The following ABLIM2 variants were observed in gnomAD, a reference collection of about 807,000 sequenced individuals.
ABLIM2 encodes the protein actin-binding LIM protein 2.
Under a neutral mutation model 97.7 loss-of-function variants are expected in ABLIM2, and 53 were observed. The ratio of observed to expected loss-of-function variants is 0.54; its 90% CI spans 0.44 to 0.68. The LOEUF is 0.68. Ranked by LOEUF, ABLIM2 falls within the 30% of genes least tolerant of loss-of-function variation. The pLI is 0.00. For synonymous variants in ABLIM2, 361 were observed against 345.8 expected, an observed-to-expected ratio of 1.04 and a Z score of -0.49; for missense variants, 835 against 867.2, an observed-to-expected ratio of 0.96 and a Z score of 0.47.
intron 20 of ABLIM2, among the ~76,000 whole-genome samples, chr4:7,968,825 G>A (rs986866567): frequency 3.3e-5 from 5 of 152,178 alleles, no homozygotes; most frequent in Non-Finnish European, 7.3e-5. Flanking sequence ...ACACTGAACT[G>A]TACTGAATGG....
chr4:8,011,975 T>C (rs1484610675), intron 14 of ABLIM2, among the ~76,000 whole-genome samples: 1 of 152,210 alleles, frequency 6.6e-6, no homozygotes, highest in African/African-American at 2.4e-5. Flanking sequence ...TTTATTCCTT[T>C]CCATATACTT....
rs1789955119 is a variant in ABLIM2 at position 8,043,283 on chromosome 4, G to C, written c.900+1881C>G. ...TCTTGTGAACTTGTCTCTCGTTATA[G>C]GAGTGTCAGCTGTGACCCTTTCAAT... On this transcript the variant is annotated intron_variant, in intron 9 of 20. Transcript: ENST00000447017. The surrounding 1 kb of genome is among the most constrained non-coding windows in gnomAD (Gnocchi z 4.8). 6.6e-6 allele frequency among the ~76,000 whole-genome samples: 1 copy of C among 152,192 alleles called. No individual in the cohort carries two copies. The highest frequency in any genetic ancestry group is 6.5e-5 in the Admixed American group (1 of 15,282).
chr4:7,966,776 A>G lies in ABLIM2; in HGVS notation c.*214T>C, dbSNP rs531945957. On this transcript the variant is annotated 3_prime_UTR_variant, in exon 21 of 21. Coordinates refer to ENST00000447017, the MANE Select transcript of ABLIM2 (RefSeq NM_001130083.2). ...TCCCTGACACCAAGCCACAGCGGGGAAGGGTGGCGTGAAGCTAGCCGTCTC... is the reference window on the plus strand; with the variant it reads ...TCCCTGACACCAAGCCACAGCGGGGGAGGGTGGCGTGAAGCTAGCCGTCTC... 331 of 557,746 alleles carry G rather than the reference A, an allele frequency of 5.9e-4. 5 individuals are homozygous for G. The East Asian group carries it at 9.4e-3, about 16-fold the overall frequency. The allele number at this position is 557,746 out of a possible 1,614,324, so 34.5% of individuals were successfully genotyped here.
At chr4:7,975,280 A>G (rs1287986902) in intron 20 of ABLIM2, among the ~76,000 whole-genome samples, 1 of 152,196 alleles carries the variant, frequency 6.6e-6, no homozygotes, top group African/African-American at 2.4e-5. Flanking sequence ...AGTGGCTCTC[A>G]GCAACACCTT....
At chr4:8,114,589 T>C (rs1227531053) in intron 1 of ABLIM2, among the ~76,000 whole-genome samples, 1 of 152,204 alleles carries the variant, frequency 6.6e-6, no homozygotes. Context: ...ACTTAAGGGC[T>C]GGCTGCTGAT....
chr4:8,075,726 C>T lies in ABLIM2; in HGVS notation c.675+1902G>A, dbSNP rs892418952. Among the ~76,000 whole-genome samples the T allele has an allele frequency of 6.6e-6, 1 of 152,104 alleles. No individual in the cohort carries two copies. The highest frequency in any genetic ancestry group is 1.5e-5 in the Non-Finnish European group (1 of 68,028). ...AAAAAAGAAAACCATTGACTTGTGCCCTTTAAATGGGCAAATTGTGAACTC... is the reference window on the plus strand; with the variant it reads ...AAAAAAGAAAACCATTGACTTGTGCTCTTTAAATGGGCAAATTGTGAACTC... On this transcript the variant is annotated intron_variant, in intron 6 of 20. Transcript: ENST00000447017. This position sits in a 1 kb window ranked among gnomAD's most constrained non-coding sequence, Gnocchi z 4.4.
chr4:8,080,837 C>T (rs1332834733), intron 4 of ABLIM2, 35 bp from the exon 5 acceptor site: 1 of 1,577,400 alleles, frequency 6.3e-7, no homozygotes, highest in Admixed American at 1.7e-5. Flanking sequence ...GACACCCCCA[C>T]CATTGTGAGA....
intron 16 of ABLIM2, among the ~76,000 whole-genome samples, chr4:7,993,718 G>C (rs569833566): frequency 1.1e-4 from 16 of 152,246 alleles, no homozygotes; most frequent in African/African-American, 3.9e-4. Context: ...CTTGCAATTG[G>C]GGGGCTTCAT....
chr4:8,027,712 C>T (rs375393124), intron 12 of ABLIM2, 47 bp downstream of exon 12: 77 of 1,421,142 alleles, frequency 5.4e-5, no homozygotes, highest in African/African-American at 3.2e-4. Flanking sequence ...AGACGCCGGG[C>T]GTGGACACCC....
In ABLIM2 at chr4:8,043,368, T is replaced by C. The variant is rs1038257112; in HGVS notation, c.900+1796A>G. Among the ~76,000 whole-genome samples, 1 of 152,180 alleles carries C rather than the reference T, an allele frequency of 6.6e-6. No homozygotes were observed. The highest frequency in any genetic ancestry group is 1.5e-5 in the Non-Finnish European group (1 of 68,040). On this transcript the variant is annotated intron_variant, in intron 9 of 20. Coordinates refer to ENST00000447017, the MANE Select transcript of ABLIM2 (RefSeq NM_001130083.2). The surrounding 1 kb of genome is among the most constrained non-coding windows in gnomAD (Gnocchi z 4.8). ...CACAAACATGATCTCATTCACATGA[T>C]AATTGTCATAATCATTATTCATGAG...
At position 7,967,130 on chromosome 4, in the gene ABLIM2, G is replaced by A. The variant is rs372476263; in HGVS notation, c.1825-27C>T. The A allele has an allele frequency of 1.1e-5, 18 of 1,589,152 alleles. No individual in the cohort carries two copies. The African/African-American group carries it at 2.3e-4, about 20-fold the overall frequency. ...TTCAAACAAAAAGGCAAAACAGAAG[G>A]GACCAGTTAGCCACGCAGCAAGGGA... On this transcript the variant is annotated intron_variant, in intron 20 of 20. Coordinates refer to ENST00000447017, the MANE Select transcript of ABLIM2 (RefSeq NM_001130083.2).
chr4:8,134,222 C>T (rs944303514), intron 1 of ABLIM2, among the ~76,000 whole-genome samples: 7 of 152,232 alleles, frequency 4.6e-5, no homozygotes, highest in Non-Finnish European at 8.8e-5. Flanking sequence ...ACTAAGCATG[C>T]CAACTCCCTT....
At chr4:8,027,286 G>A (rs1184112206) in intron 12 of ABLIM2, among the ~76,000 whole-genome samples, 1 of 152,202 alleles carries the variant, frequency 6.6e-6, no homozygotes, top group Admixed American at 6.5e-5. Flanking sequence ...ACTCCTGGAA[G>A]AGCCGAGAGT....
rs1226997195 is a variant in ABLIM2, at chr4:8,005,876, C to T, written c.1618+2183G>A. Among the ~76,000 whole-genome samples the T allele has an allele frequency of 6.6e-6, 1 of 152,210 alleles. No individual in the cohort carries two copies. Among genetic ancestry groups the T allele is most frequent in the East Asian group, 1.9e-4 (1 of 5,200 alleles). On this transcript the variant is annotated intron_variant, in intron 16 of 20. Transcript: ENST00000447017. This position sits in a 1 kb window ranked among gnomAD's most constrained non-coding sequence, Gnocchi z 4.9. ...CAGGGGAAGGACACATATGTCTGTG[C>T]TGGAGCAGAATCTCCCCGGGGAATT...
chr4:8,145,200 T>TC (rs1851595896), intron 1 of ABLIM2, among the ~76,000 whole-genome samples: 1 of 151,002 alleles, frequency 6.6e-6, no homozygotes, highest in African/African-American at 2.5e-5. Context: ...TTTTTTTTTT[T>TC]CCAGACAGAG....
chr4:8,157,478 T>C (rs2152968167), intron 1 of ABLIM2, among the ~76,000 whole-genome samples: 1 of 152,334 alleles, frequency 6.6e-6, no homozygotes, highest in East Asian at 1.9e-4. Flanking sequence ...CGCCTGCCAT[T>C]GCTCTCAGCT....
In ABLIM2 at chr4:8,015,714, G is replaced by A. The variant is rs957018006; in HGVS notation, c.1423+3904C>T. 5.3e-5 allele frequency among the ~76,000 whole-genome samples: 8 copies of A among 152,152 alleles called. No individual in the cohort carries two copies. Among genetic ancestry groups the A allele is most frequent in the African/African-American group, 4.8e-5 (2 of 41,422 alleles). ...TGGGAGGTGTGTGTTGGGGGGTGAGGAGAGAGCTGCATTGCCATCTGGTGG... is the reference window on the plus strand; with the variant it reads ...TGGGAGGTGTGTGTTGGGGGGTGAGAAGAGAGCTGCATTGCCATCTGGTGG... On this transcript the variant is annotated intron_variant, in intron 14 of 20. Transcript: ENST00000447017. This position sits in a 1 kb window ranked among gnomAD's most constrained non-coding sequence, Gnocchi z 4.6.
At chr4:8,053,820 T>G (rs1797427345) in intron 8 of ABLIM2, among the ~76,000 whole-genome samples, 2 of 152,086 alleles carry the variant, frequency 1.3e-5, no homozygotes, top group African/African-American at 4.8e-5. Context: ...TTTTTCCTCT[T>G]TGTTCATGAG....
chr4:8,032,744 T>C lies in ABLIM2; in HGVS notation c.1048-2968A>G. 1 of 1,580,232 alleles carries C rather than the reference T, an allele frequency of 6.3e-7. No individual in the cohort carries two copies. Among genetic ancestry groups the C allele is most frequent in the Admixed American group, 1.7e-5 (1 of 59,842 alleles). ...GCCAGGCAGAGAGGGAGGAGGGCAG[T>C]TCCGTGACTGGCAGGCAACACAGGC... is the stretch of plus-strand genomic sequence containing the variant. On this transcript the variant is annotated intron_variant, in intron 10 of 20. Coordinates refer to ENST00000447017, the MANE Select transcript of ABLIM2 (RefSeq NM_001130083.2). The surrounding 1 kb of genome is among the most constrained non-coding windows in gnomAD (Gnocchi z 4.3).
Sources: gnomAD v4.1 joint callset for allele counts (sites outside exome capture counted in the v4.1 genomes callset) on GRCh38, gnomAD v4.1.1 for gene constraint, Gnocchi (gnomAD v3.1) non-coding constraint, MANE v1.5 for transcripts, NCBI Gene and HGNC (gene_info 2026-07-23, HGNC 2026-07-21) for gene names.